Variants in ROR1 observed in about 807,000 individuals in gnomAD.
ROR1 encodes inactive tyrosine-protein kinase transmembrane receptor ROR1.
In ROR1, 19 loss-of-function variants were observed where a neutral mutation model predicts 78.8. The observed-to-expected ratio is 0.24, with a 90% CI of 0.17 to 0.35. The LOEUF is 0.35. ROR1 is among the 10% of genes least tolerant of loss of function. ROR1 has a pLI of 1.00. For synonymous variants in ROR1, 386 were observed against 433.6 expected (o/e 0.89, Z 1.36); for missense variants, 917 against 1,177.8 (o/e 0.78, Z 3.24).
chr1:64,125,343 G>A (rs1648674605), intron 4 of ROR1, among the ~76,000 whole-genome samples: 1 of 152,178 alleles, frequency 6.6e-6, no homozygotes, highest in African/African-American at 2.4e-5. Context: ...AAAAACTGCA[G>A]AATCTACAGG....
At chr1:63,864,743 G>C (rs551657599) in intron 1 of ROR1, among the ~76,000 whole-genome samples, 170 of 151,272 alleles carry the variant, frequency 1.1e-3, no homozygotes, top group African/African-American at 4.1e-3. Flanking sequence ...TGCTGCTGTG[G>C]AGCAGTTGTA....
intron 4 of ROR1, among the ~76,000 whole-genome samples, chr1:64,084,056 A>C (rs186222323): frequency 6.0e-4 from 92 of 152,346 alleles, no homozygotes; most frequent in Middle Eastern, 3.4e-3. Flanking sequence ...TTCCTAGTTC[A>C]ACTATAACTC....
At chr1:63,927,760 C>G (rs959549876) in intron 1 of ROR1, among the ~76,000 whole-genome samples, 1 of 152,134 alleles carries the variant, frequency 6.6e-6, no homozygotes, top group Non-Finnish European at 1.5e-5. Context: ...GAGGTGTACC[C>G]ACTCCATTGC....
chr1:63,882,201 G>A (rs1294805129), intron 1 of ROR1, among the ~76,000 whole-genome samples: 1 of 152,148 alleles, frequency 6.6e-6, no homozygotes, highest in African/African-American at 2.4e-5. Flanking sequence ...GCAATGGTAG[G>A]ATGTGTTGGG....
chr1:63,952,168 G>T (rs1645945114), intron 1 of ROR1, among the ~76,000 whole-genome samples: 2 of 152,190 alleles, frequency 1.3e-5, no homozygotes, highest in South Asian at 4.1e-4. Flanking sequence ...GAAAGGAAGG[G>T]CTCTCACAGT....
intron 2 of ROR1, among the ~76,000 whole-genome samples, chr1:64,011,908 T>A (rs1005438708): frequency 6.6e-6 from 1 of 152,198 alleles, no homozygotes; most frequent in Admixed American, 6.5e-5. Context: ...ACTCAGAGAC[T>A]ATTTGGAAAG....
chr1:63,913,386 G>A (rs2100419400), intron 1 of ROR1, among the ~76,000 whole-genome samples: 1 of 152,190 alleles, frequency 6.6e-6, no homozygotes, highest in East Asian at 1.9e-4. Context: ...CAGTGAGTGT[G>A]ATCTCTGTAC....
intron 4 of ROR1, chr1:64,094,909 T>C (rs1647259096): frequency 6.6e-6 from 1 of 152,198 alleles, no homozygotes; most frequent in South Asian, 2.1e-4. Context: ...AAGCTTTGAA[T>C]TTATGTTACT....
chr1:64,143,132 TTA>T, intron 7 of ROR1: 1 of 1,002,458 alleles, frequency 1.0e-6, no homozygotes, highest in Non-Finnish European at 1.2e-6. Flanking sequence ...GTTATGTCTG[TTA>T]ATACTGCAGA....
At chr1:64,058,940 A>C (rs934112544) in intron 4 of ROR1, among the ~76,000 whole-genome samples, 4 of 151,442 alleles carry the variant, frequency 2.6e-5, no homozygotes, top group Non-Finnish European at 5.9e-5. Flanking sequence ...TCACCAGAAA[A>C]GTAATCTGGG....
intron 2 of ROR1, among the ~76,000 whole-genome samples, chr1:64,034,754 A>T (rs1028788893): frequency 6.6e-6 from 1 of 152,208 alleles, no homozygotes; most frequent in Non-Finnish European, 1.5e-5. Flanking sequence ...GTTTTATTGT[A>T]AGTTTCTGTT....
At chr1:63,955,659 T>C (rs988443172) in intron 1 of ROR1, among the ~76,000 whole-genome samples, 1 of 152,192 alleles carries the variant, frequency 6.6e-6, no homozygotes, top group Non-Finnish European at 1.5e-5. Context: ...TGCCAAAGTT[T>C]CATTTATCCC....
intron 4 of ROR1, among the ~76,000 whole-genome samples, chr1:64,089,189 C>T (rs1647176132): frequency 6.9e-6 from 1 of 145,898 alleles, no homozygotes; most frequent in Non-Finnish European, 1.5e-5. Context: ...CAAGATTTGA[C>T]AATAATAGTA....
chr1:63,822,817 A>G (rs1464105926), intron 1 of ROR1, among the ~76,000 whole-genome samples: 1 of 152,134 alleles, frequency 6.6e-6, no homozygotes, highest in African/African-American at 2.4e-5. Context: ...CAATGCTATG[A>G]TTATCTGTTA....
intron 1 of ROR1, among the ~76,000 whole-genome samples, chr1:63,800,282 A>G (rs1385489101): frequency 6.6e-6 from 1 of 152,238 alleles, no homozygotes; most frequent in Admixed American, 6.5e-5. Flanking sequence ...GCTGTTACCT[A>G]TAAAATTATC....
chr1:63,820,277 T>C (rs977721133), intron 1 of ROR1, among the ~76,000 whole-genome samples: 19 of 152,186 alleles, frequency 1.2e-4, no homozygotes, highest in African/African-American at 3.4e-4. Flanking sequence ...CTGCAAGCCC[T>C]GCAATCTGGC....
chr1:63,908,464 G>A (rs1488605739), intron 1 of ROR1, among the ~76,000 whole-genome samples: 3 of 152,182 alleles, frequency 2.0e-5, no homozygotes, highest in Non-Finnish European at 4.4e-5. Context: ...ATGTGCAAAA[G>A]AGAAATATGT....
At chr1:64,035,257 A>G (rs1023984015) in intron 2 of ROR1, among the ~76,000 whole-genome samples, 1 of 152,214 alleles carries the variant, frequency 6.6e-6, no homozygotes. Flanking sequence ...ATTTTCCTCA[A>G]GTTTGTCAGA....
intron 4 of ROR1, among the ~76,000 whole-genome samples, chr1:64,128,660 T>C (rs933228343): frequency 6.6e-6 from 1 of 152,224 alleles, no homozygotes; most frequent in African/African-American, 2.4e-5. Context: ...GGCACTATTC[T>C]GGCCATTAGG....
Sources: allele counts gnomAD v4.1 joint callset (sites outside exome capture counted in the v4.1 genomes callset), GRCh38; gene constraint gnomAD v4.1.1; transcripts MANE v1.5; gene names NCBI Gene and HGNC (gene_info 2026-07-23, HGNC 2026-07-21).